Variants in TARDBP observed in about 807,000 individuals in gnomAD.
TARDBP encodes the protein TAR DNA binding protein.
Under a neutral mutation model 38.3 loss-of-function variants are expected in TARDBP, and 4 were observed. The ratio of observed to expected loss-of-function variants is 0.10; its 90% CI spans 0.05 to 0.24. TARDBP has a LOEUF of 0.24. Ranked by LOEUF, TARDBP falls within the 10% of genes least tolerant of loss-of-function variation. The pLI is 1.00. For missense variants in TARDBP, 202 were observed against 521.9 expected, an observed-to-expected ratio of 0.39 and a Z score of 5.97; for synonymous variants, 184 against 183.8, an observed-to-expected ratio of 1.00 and a Z score of -0.01.
downstream of TARDBP, among the ~76,000 whole-genome samples, chr1:11,028,696 GGTTTTTTTTCTTTTTT>G (rs1643781641): frequency 9.6e-6 from 1 of 104,634 alleles, no homozygotes; most frequent in African/African-American, 4.1e-5. Flanking sequence ...TATCTTTCTG[GGTTTTTTTTCTTTTTT>G]TTTTTTTTTT....
chr1:11,021,198 G>A (rs911209939), intron 5 of TARDBP, among the ~76,000 whole-genome samples: 1 of 151,788 alleles, frequency 6.6e-6, no homozygotes, highest in Non-Finnish European at 1.5e-5. Flanking sequence ...GAGTGTGATG[G>A]CGCGATCTTG....
chr1:11,021,532 C>T (rs528230086), intron 5 of TARDBP, among the ~76,000 whole-genome samples: 1 of 152,322 alleles, frequency 6.6e-6, no homozygotes, highest in South Asian at 2.1e-4. Context: ...CCCCCCTCAG[C>T]CTCCCAAAGT....
chr1:11,015,330 T>G (rs1643499222), intron 2 of TARDBP, among the ~76,000 whole-genome samples: 1 of 150,564 alleles, frequency 6.6e-6, no homozygotes, highest in Non-Finnish European at 1.5e-5. Context: ...TACTAAAAAT[T>G]CAAAAATTAG....
downstream of TARDBP, among the ~76,000 whole-genome samples, chr1:11,028,701 T>G (rs1449547827): frequency 1.1e-3 from 55 of 50,890 alleles, no homozygotes; most frequent in African/African-American, 3.4e-3. Flanking sequence ...TTCTGGGTTT[T>G]TTTTCTTTTT....
At chr1:11,016,791 T>C (rs1643533908) in intron 2 of TARDBP, 53 bp from the exon 3 acceptor site, 1 of 1,588,288 alleles carries the variant, frequency 6.3e-7, no homozygotes. Context: ...GGTAGTGTTT[T>C]TAAAGAAGTG....
chr1:11,018,049 A>AT (rs1482085133), intron 3 of TARDBP, among the ~76,000 whole-genome samples: 79 of 146,404 alleles, frequency 5.4e-4, no homozygotes, highest in African/African-American at 1.8e-3. Flanking sequence ...CGCCTGGCTA[A>AT]TTTTTTGTAT....
chr1:11,028,716 T>C (rs12743634), downstream of TARDBP, among the ~76,000 whole-genome samples: 1 of 128,862 alleles, frequency 7.8e-6, no homozygotes. Context: ...CTTTTTTTTT[T>C]TTTTTTTTTT....
chr1:11,026,553 A>T (rs1557663469), downstream of TARDBP: 2 of 191,166 alleles, frequency 1.0e-5, no homozygotes, highest in Non-Finnish European at 2.1e-5. Context: ...AACAAAGAGC[A>T]TGGACAGGCA....
intron 4 of TARDBP, among the ~76,000 whole-genome samples, chr1:11,019,863 G>A (rs971524771): frequency 7.4e-5 from 11 of 148,856 alleles, no homozygotes; most frequent in African/African-American, 2.7e-4. Flanking sequence ...ACCGCACCTG[G>A]CCCTTTTTTT....
At chr1:11,017,587 C>A (rs1643553615) in intron 3 of TARDBP, among the ~76,000 whole-genome samples, 1 of 152,118 alleles carries the variant, frequency 6.6e-6, no homozygotes. Flanking sequence ...ATATGTTGTA[C>A]CCTATGTTAT....
chr1:11,015,215 A>G (rs192135198), intron 2 of TARDBP, among the ~76,000 whole-genome samples: 2 of 151,184 alleles, frequency 1.3e-5, no homozygotes, highest in East Asian at 2.0e-4. Flanking sequence ...GCTCGGTGCA[A>G]TGGCTCACAC....
chr1:11,014,078 C>G, intron 2 of TARDBP, 113 bp downstream of exon 2: 1 of 1,079,774 alleles, frequency 9.3e-7, no homozygotes, highest in Non-Finnish European at 1.4e-6. Flanking sequence ...TTAAGTATTT[C>G]CTTGAACTTC....
intron 3 of TARDBP, among the ~76,000 whole-genome samples, chr1:11,017,607 TA>T (rs1455481593): frequency 1.3e-5 from 2 of 152,350 alleles, no homozygotes; most frequent in South Asian, 2.1e-4. Context: ...TTGCCTTTGA[TA>T]TTGTAAAATC....
downstream of TARDBP, chr1:11,026,915 G>A (rs1381182785): frequency 2.7e-6 from 4 of 1,496,690 alleles, no homozygotes; most frequent in African/African-American, 5.6e-5. Context: ...TCTCGATCCA[G>A]GGAATATAGT....
chr1:11,015,409 C>T (rs1035901082), intron 2 of TARDBP: 8 of 152,034 alleles, frequency 5.3e-5, no homozygotes, highest in African/African-American at 7.2e-5. Flanking sequence ...TTGCTTGAAC[C>T]GGGAGGTGGA....
In TARDBP at chr1:11,023,053, A is replaced by G. The variant is rs1032274504; in HGVS notation, c.*399A>G. On this transcript the variant is annotated 3_prime_UTR_variant, in exon 6 of 6. Coordinates refer to ENST00000240185, the MANE Select transcript of TARDBP (RefSeq NM_007375.4). Reference sequence around the variant, plus strand: ...CCCTTGTTTTAATTTGAACCCCACCATATGGATTTTTTTCCTTAAGAAAAT... The same window carrying G: ...CCCTTGTTTTAATTTGAACCCCACCGTATGGATTTTTTTCCTTAAGAAAAT... The G allele has an allele frequency of 1.4e-5, 21 of 1,449,560 alleles. No homozygotes were observed. The African/African-American group carries it at 2.3e-4, about 16-fold the overall frequency. The allele number at this position is 1,449,560 out of a possible 1,614,324, so 89.8% of individuals were successfully genotyped here.
intron 4 of TARDBP, chr1:11,019,214 CTAACT>C: frequency 3.2e-6 from 1 of 316,572 alleles, no homozygotes; most frequent in East Asian, 8.3e-5. Flanking sequence ...TTATAAAGAC[CTAACT>C]TTTTCCAAGC....
chr1:11,030,090 T>C, downstream of TARDBP: 1 of 932,804 alleles, frequency 1.1e-6, no homozygotes, highest in Non-Finnish European at 1.7e-6. Context: ...CATTTCTGCC[T>C]ACCACAGCTA....
chr1:11,020,983 C>A (rs950566563), intron 5 of TARDBP, among the ~76,000 whole-genome samples: 1 of 152,054 alleles, frequency 6.6e-6, no homozygotes, highest in Non-Finnish European at 1.5e-5. Flanking sequence ...AATTGCTATT[C>A]TTAGCTAAGT....
Sources: gnomAD v4.1 joint callset for allele counts (sites outside exome capture counted in the v4.1 genomes callset) on GRCh38, gnomAD v4.1.1 for gene constraint, MANE v1.5 for transcripts, NCBI Gene and HGNC (gene_info 2026-07-23, HGNC 2026-07-21) for gene names.